TENM4: variants seen among roughly 807,000 people sequenced by gnomAD.
TENM4 encodes the protein teneurin-4.
TENM4 carries 82 observed loss-of-function variants against 243.3 expected under a neutral mutation model. The observed-to-expected ratio is 0.34, with a 90% CI of 0.28 to 0.40. The LOEUF (loss-of-function observed/expected upper bound fraction) is 0.40, where lower values mean the gene tolerates loss of function less well. Ranked by LOEUF, TENM4 falls within the 10% of genes least tolerant of loss-of-function variation. The pLI, the probability that TENM4 is intolerant of heterozygous loss-of-function variation, is 1.00. For missense variants in TENM4, 3,138 were observed against 3,673.3 expected (o/e 0.85, Z 3.77); for synonymous variants, 1,412 against 1,456.3 (o/e 0.97, Z 0.69).
intron 3 of TENM4, among the ~76,000 whole-genome samples, chr11:79,164,010 G>GTA (rs200786571): frequency 8.5e-6 from 1 of 117,378 alleles, no homozygotes; most frequent in Non-Finnish European, 1.6e-5. Flanking sequence ...ATAGTATATA[G>GTA]TATATATATA....
intron 6 of TENM4, among the ~76,000 whole-genome samples, chr11:79,046,848 G>A (rs77443814): frequency 0.018 from 2,666 of 152,136 alleles, 84 homozygotes; most frequent in African/African-American, 0.059. Flanking sequence ...GTGGTACTTC[G>A]TGACAGCACC....
Position 78,898,648 on chromosome 11 carries a change from T to C in TENM4, c.749+4620A>G, listed in dbSNP as rs535327519. On this transcript the variant is annotated intron_variant, in intron 7 of 33. Coordinates refer to ENST00000278550, the MANE Select transcript of TENM4 (RefSeq NM_001098816.3). The stretch of plus-strand genomic sequence containing the variant: ...AGGTCTTCCAGGAAGCCTTCCTTTC[T>C]CCCCACTCAAGTCTCAGTTAAGTAT... 8.5e-5 allele frequency among the ~76,000 whole-genome samples: 13 copies of C among 152,240 alleles called. No individual in the cohort carries two copies. In the Middle Eastern group the frequency reaches 0.01, roughly 119 times the overall value.
chr11:78,942,483 T>A (rs1856920843), intron 6 of TENM4, among the ~76,000 whole-genome samples: 1 of 151,744 alleles, frequency 6.6e-6, no homozygotes, highest in Non-Finnish European at 1.5e-5. Flanking sequence ...GTCTCATAAT[T>A]TTTTAAGAAA....
chr11:79,043,997 C>T (rs1247859924), intron 6 of TENM4, among the ~76,000 whole-genome samples: 1 of 152,178 alleles, frequency 6.6e-6, no homozygotes, highest in Non-Finnish European at 1.5e-5. Flanking sequence ...CATAATCCCA[C>T]TGACTTTGAA....
At chr11:78,915,966 A>C (rs73500657) in intron 6 of TENM4, among the ~76,000 whole-genome samples, 2,022 of 152,320 alleles carry the variant, frequency 0.013, 56 homozygotes, top group African/African-American at 0.046. Flanking sequence ...GCAGTATTGC[A>C]TGGTGGGTAA....
chr11:78,711,910 T>G (rs371745401), intron 26 of TENM4, among the ~76,000 whole-genome samples: 1 of 152,182 alleles, frequency 6.6e-6, no homozygotes, highest in Non-Finnish European at 1.5e-5. Context: ...GCAACCACTC[T>G]ATGTACTTGA....
intron 2 of TENM4, among the ~76,000 whole-genome samples, chr11:79,270,331 G>A (rs1855948484): frequency 6.6e-6 from 1 of 152,162 alleles, no homozygotes; most frequent in African/African-American, 2.4e-5. Context: ...CCACTTTGTA[G>A]CCAAAGTGAC....
chr11:79,343,906 C>T (rs549815677), intron 1 of TENM4, among the ~76,000 whole-genome samples: 13 of 152,300 alleles, frequency 8.5e-5, no homozygotes, highest in South Asian at 4.1e-4. Context: ...GTGTCTGCCA[C>T]GGTGGACATC....
At chr11:79,420,992 G>A (rs1858919292) in intron 1 of TENM4, among the ~76,000 whole-genome samples, 1 of 152,192 alleles carries the variant, frequency 6.6e-6, no homozygotes. Flanking sequence ...TAGAGTGCTT[G>A]TGTGTGCATT....
intron 16 of TENM4, among the ~76,000 whole-genome samples, chr11:78,785,776 A>G (rs770686846): frequency 3.9e-5 from 6 of 152,194 alleles, no homozygotes; most frequent in Non-Finnish European, 5.9e-5. Flanking sequence ...CTTCAAAACA[A>G]AAACAATGAA....
chr11:78,738,369 C>T, intron 20 of TENM4, 82 bp downstream of exon 20: 2 of 1,513,430 alleles, frequency 1.3e-6, no homozygotes, highest in East Asian at 2.4e-5. Context: ...CCTCTTTCCA[C>T]ATTATCAGTC....
At chr11:78,828,725 T>C (rs908200439) in intron 12 of TENM4, among the ~76,000 whole-genome samples, 1 of 152,270 alleles carries the variant, frequency 6.6e-6, no homozygotes, top group Non-Finnish European at 1.5e-5. Context: ...AGGCAGATAC[T>C]TCCTCAGCCT....
At chr11:79,340,723 C>T (rs1857227902) in intron 1 of TENM4, among the ~76,000 whole-genome samples, 1 of 152,138 alleles carries the variant, frequency 6.6e-6, no homozygotes, top group South Asian at 2.1e-4. Flanking sequence ...CCCATTCCTG[C>T]ACATCCATCT....
intron 2 of TENM4, among the ~76,000 whole-genome samples, chr11:79,274,113 G>C (rs544706666): frequency 6.6e-6 from 1 of 152,352 alleles, no homozygotes; most frequent in African/African-American, 2.4e-5. Flanking sequence ...ATGTGGAGCA[G>C]GAGGATGTTA....
intron 6 of TENM4, among the ~76,000 whole-genome samples, chr11:79,011,970 T>C (rs2136756189): frequency 6.6e-6 from 1 of 152,274 alleles, no homozygotes; most frequent in Admixed American, 6.5e-5. Context: ...CCAGCCTATT[T>C]CCCACCTCCA....
intron 6 of TENM4, among the ~76,000 whole-genome samples, chr11:78,969,564 C>A (rs1200627366): frequency 6.6e-6 from 1 of 152,188 alleles, no homozygotes; most frequent in Non-Finnish European, 1.5e-5. Flanking sequence ...ACAAAATATA[C>A]TTTTTAACAC....
chr11:78,996,523 C>G (rs1858175954), intron 6 of TENM4, among the ~76,000 whole-genome samples: 1 of 152,186 alleles, frequency 6.6e-6, no homozygotes, highest in Non-Finnish European at 1.5e-5. Context: ...TGAAAAATAA[C>G]ACATGGTTGT....
intron 1 of TENM4, among the ~76,000 whole-genome samples, chr11:79,423,588 A>G (rs776085820): frequency 4.4e-5 from 6 of 136,586 alleles, no homozygotes; most frequent in Non-Finnish European, 9.2e-5. Flanking sequence ...ACAAATTTCC[A>G]ATTCATACTT....
intron 4 of TENM4, among the ~76,000 whole-genome samples, chr11:79,110,810 G>A (rs905309764): frequency 2.0e-5 from 3 of 152,118 alleles, no homozygotes; most frequent in Admixed American, 6.5e-5. Flanking sequence ...GCCCTTTGCC[G>A]GTAAAGCACC....
Sources: gnomAD v4.1 joint callset for allele counts (sites outside exome capture counted in the v4.1 genomes callset) on GRCh38, gnomAD v4.1.1 for gene constraint, MANE v1.5 for transcripts, NCBI Gene and HGNC (gene_info 2026-07-23, HGNC 2026-07-21) for gene names.